Variants in FAM131B observed in about 807,000 individuals in gnomAD.
The protein encoded by FAM131B is protein FAM131B.
In FAM131B, 19 loss-of-function variants were observed where a neutral mutation model predicts 42.0. The ratio of observed to expected loss-of-function variants is 0.45; its 90% CI spans 0.32 to 0.66. FAM131B has a LOEUF of 0.66. Among genes scored for constraint, FAM131B ranks in the 30% least tolerant of loss-of-function variants. The pLI, the probability that FAM131B is intolerant of heterozygous loss-of-function variation, is 0.05. For missense variants in FAM131B, 370 were observed against 468.4 expected (o/e 0.79, Z 1.94); for synonymous variants, 183 against 177.6 (o/e 1.03, Z -0.24).
chr7:143,373,743 G>A, the FAM131B span, among the ~76,000 whole-genome samples: 2 of 152,148 alleles, frequency 1.3e-5, no homozygotes, highest in African/African-American at 4.8e-5. Context: ...CAGGAGCTAG[G>A]AATTTAGGGC....
the FAM131B span, among the ~76,000 whole-genome samples, chr7:143,379,060 C>T: frequency 1.3e-5 from 2 of 152,254 alleles, no homozygotes; most frequent in East Asian, 1.9e-4. Flanking sequence ...TGCCTGCCTA[C>T]GCACTCTTCT....
rs1307522503 is a variant in FAM131B, at chr7:143,353,433, A to AGCCT, written c.*3113_*3116dup. ...CATTCTGTTTAGTGTCATTGAACAC[A>AGCCT]GCCTGTAGCCTTCTCCAGCATCACA... On this transcript the variant is annotated 3_prime_UTR_variant, in exon 7 of 7. Coordinates refer to ENST00000443739, the MANE Select transcript of FAM131B (RefSeq NM_001031690.3). 2.0e-5 allele frequency: 3 copies of AGCCT among 152,150 alleles called. No homozygotes were observed. Among genetic ancestry groups the AGCCT allele is most frequent in the African/African-American group, 7.2e-5 (3 of 41,388 alleles). 9.4% of individuals were successfully genotyped at this position (152,150 alleles called of 1,614,324 possible). A position where few individuals can be genotyped will look rare whatever the true frequency, so the allele number is the denominator to read the frequency against.
At chr7:143,381,081 T>C in the FAM131B span, 2 of 491,550 alleles carry the variant, frequency 4.1e-6, no homozygotes, top group East Asian at 1.6e-4. Context: ...AGTGGGGGTC[T>C]GAGCCGGGCT....
At chr7:143,371,918 A>T in the FAM131B span, among the ~76,000 whole-genome samples, 1 of 152,188 alleles carries the variant, frequency 6.6e-6, no homozygotes, top group African/African-American at 2.4e-5. Flanking sequence ...GAGGCCAGAG[A>T]GCATGTGGGA....
the FAM131B span, among the ~76,000 whole-genome samples, chr7:143,379,148 A>T: frequency 1.3e-5 from 2 of 152,196 alleles, 1 homozygote; most frequent in South Asian, 4.1e-4. Context: ...ACTTAAGGAG[A>T]CATTTAGAGG....
chr7:143,364,852 CG>C (rs534270381), upstream of FAM131B, among the ~76,000 whole-genome samples: 2 of 152,084 alleles, frequency 1.3e-5, no homozygotes, highest in African/African-American at 4.8e-5. Context: ...ACATACTTGG[CG>C]GGGGGGTTCT....
the FAM131B span, chr7:143,381,556 G>GCAGCC: frequency 2.0e-4 from 324 of 1,606,628 alleles, no homozygotes; most frequent in Non-Finnish European, 2.3e-4. Flanking sequence ...ACCCACCCCA[G>GCAGCC]CAGCCCGGCC....
At chr7:143,357,946 C>T (rs1166677596) in intron 5 of FAM131B, among the ~76,000 whole-genome samples, 2 of 152,084 alleles carry the variant, frequency 1.3e-5, no homozygotes, top group Admixed American at 6.5e-5. Flanking sequence ...GATTCAAATT[C>T]GAGATTTCCA....
upstream of FAM131B, among the ~76,000 whole-genome samples, chr7:143,367,142 G>T (rs1427001507): frequency 2.0e-5 from 3 of 152,192 alleles, no homozygotes; most frequent in Non-Finnish European, 2.9e-5. Flanking sequence ...AACAGATGAG[G>T]GTCCTGGCCA....
rs1280595541 is a variant in FAM131B, at chr7:143,358,370, G to A, written c.466+457C>T. ...ACTTTCCTGGAACTAAACCTCTTCT[G>A]TAGGCCTCCCGTCTCTCACACAGTT... On this transcript the variant is annotated intron_variant, in intron 5 of 6. Transcript: ENST00000443739. This position sits in a 1 kb window ranked among gnomAD's most constrained non-coding sequence, Gnocchi z 4.7. Among the ~76,000 whole-genome samples the A allele has an allele frequency of 6.6e-6, 1 of 152,148 alleles. No individual in the cohort carries two copies. Among genetic ancestry groups the A allele is most frequent in the Non-Finnish European group, 1.5e-5 (1 of 68,030 alleles).
At chr7:143,381,034 C>A in the FAM131B span, 1 of 279,472 alleles carries the variant, frequency 3.6e-6, no homozygotes, top group Non-Finnish European at 5.4e-6. Flanking sequence ...GAGGGGGAGG[C>A]AGGTCAGGAA....
intron 5 of FAM131B, among the ~76,000 whole-genome samples, chr7:143,357,947 G>T (rs1372127964): frequency 6.6e-6 from 1 of 152,162 alleles, no homozygotes. Flanking sequence ...ATTCAAATTC[G>T]AGATTTCCAG....
Position 143,359,826 on chromosome 7 carries a change from C to T in FAM131B, c.139-59G>A. 4 of 1,491,632 alleles carry T rather than the reference C, an allele frequency of 2.7e-6. No homozygotes were observed. Among genetic ancestry groups the T allele is most frequent in the Non-Finnish European group, 3.7e-6 (4 of 1,093,952 alleles). 92.4% of individuals were successfully genotyped at this position (1,491,632 alleles called of 1,614,324 possible). A position where few individuals can be genotyped will look rare whatever the true frequency, so the allele number is the denominator to read the frequency against. On this transcript the variant is annotated intron_variant, in intron 2 of 6. Coordinates refer to ENST00000443739, the MANE Select transcript of FAM131B (RefSeq NM_001031690.3). The surrounding 1 kb of genome is among the most constrained non-coding windows in gnomAD (Gnocchi z 5.4). ...AGTCACTCGCAGGAATGCAAGGAAGCCCCCTTCCTCAGAGGGCCTTCCAGG... is the reference window on the plus strand; with the variant it reads ...AGTCACTCGCAGGAATGCAAGGAAGTCCCCTTCCTCAGAGGGCCTTCCAGG...
chr7:143,380,695 C>A, the FAM131B span: 1 of 985,308 alleles, frequency 1.0e-6, no homozygotes, highest in Non-Finnish European at 1.2e-6. This position sits in a 1 kb window ranked among gnomAD's most constrained non-coding sequence, Gnocchi z 5.0. Flanking sequence ...CCCAAGAATG[C>A]TGGAGGTTCC....
chr7:143,357,823 C>G (rs1016526281), intron 5 of FAM131B, among the ~76,000 whole-genome samples: 7 of 152,170 alleles, frequency 4.6e-5, no homozygotes, highest in Non-Finnish European at 8.8e-5. Context: ...TTGGACAGCA[C>G]AGCCTTTGTG....
chr7:143,359,376 C>A lies in FAM131B; in HGVS notation c.218G>T (p.Arg73Leu). 6.2e-7 allele frequency: 1 copy of A among 1,613,820 alleles called. No individual in the cohort carries two copies. Among genetic ancestry groups the A allele is most frequent in the Non-Finnish European group, 8.5e-7 (1 of 1,179,986 alleles). Residue 73 changes from arginine to leucine, a missense_variant, in exon 4 of 7, where the codon CGA (arginine) becomes CTA (leucine). Transcript: ENST00000443739. This position sits in a 1 kb window ranked among gnomAD's most constrained non-coding sequence, Gnocchi z 5.4. Reference sequence around the variant, plus strand: ...CCCAATGCCATAGGCGTTAGAGTTTCGCTTAAGCTTCGGAAGAATGGAAGT... The same window carrying A: ...CCCAATGCCATAGGCGTTAGAGTTTAGCTTAAGCTTCGGAAGAATGGAAGT... ...DTTSILPKLK[R>L]NSNAYGIGAL... is the part of the protein sequence containing the mutation.
At position 143,355,736 on chromosome 7, in the gene FAM131B, G is replaced by A. The variant is rs970226986; in HGVS notation, c.*814C>T. The A allele has an allele frequency of 6.6e-6, 1 of 152,668 alleles. No homozygotes were observed. Among genetic ancestry groups the A allele is most frequent in the Non-Finnish European group, 1.5e-5 (1 of 68,106 alleles). 9.5% of individuals were successfully genotyped at this position (152,668 alleles called of 1,614,324 possible). A position where few individuals can be genotyped will look rare whatever the true frequency, so the allele number is the denominator to read the frequency against. The stretch of plus-strand genomic sequence containing the variant: ...GGGATGGAAGAAAGCTGAAAGGGAA[G>A]CAAGAGCTGGAGCAGCCAGCCCTGG... On this transcript the variant is annotated 3_prime_UTR_variant, in exon 7 of 7. Transcript: ENST00000443739. The surrounding 1 kb of genome is among the most constrained non-coding windows in gnomAD (Gnocchi z 4.1).
At chr7:143,370,529 G>A in the FAM131B span, among the ~76,000 whole-genome samples, 1 of 152,144 alleles carries the variant, frequency 6.6e-6, no homozygotes, top group African/African-American at 2.4e-5. Context: ...GATAAAACAG[G>A]TTGCAGTAAA....
At chr7:143,380,750 G>C in the FAM131B span, 24 of 985,416 alleles carry the variant, frequency 2.4e-5, no homozygotes, top group East Asian at 2.0e-3. The surrounding 1 kb of genome is among the most constrained non-coding windows in gnomAD (Gnocchi z 5.0). Context: ...GGGGGGTGCT[G>C]GGAGGGAGAA....
Sources: gnomAD v4.1 joint callset for allele counts (sites outside exome capture counted in the v4.1 genomes callset) on GRCh38, gnomAD v4.1.1 for gene constraint, Gnocchi (gnomAD v3.1) non-coding constraint, MANE v1.5 for transcripts, NCBI Gene and HGNC (gene_info 2026-07-23, HGNC 2026-07-21) for gene names.